EIF4B: variants seen among roughly 807,000 people sequenced by gnomAD.
EIF4B encodes the protein eukaryotic translation initiation factor 4B.
EIF4B carries 8 observed loss-of-function variants against 79.3 expected under a neutral mutation model. The observed-to-expected ratio is 0.10, with a 90% CI of 0.06 to 0.18. The LOEUF (loss-of-function observed/expected upper bound fraction) is 0.18. Ranked by LOEUF, EIF4B falls within the 10% of genes least tolerant of loss-of-function variation. The pLI, the probability that EIF4B is intolerant of heterozygous loss-of-function variation, is 1.00. For synonymous variants in EIF4B, 238 were observed against 274.7 expected, an observed-to-expected ratio of 0.87 and a Z score of 1.32; for missense variants, 515 against 792.4, an observed-to-expected ratio of 0.65 and a Z score of 4.20.
intron 9 of EIF4B, 106 bp downstream of exon 9, chr12:53,034,140 G>A (rs535843652): frequency 9.5e-6 from 11 of 1,157,436 alleles, no homozygotes; most frequent in Non-Finnish European, 1.2e-5. Flanking sequence ...CACATTAGTG[G>A]TTGTCACTGA....
At chr12:53,008,114 C>G (rs796409302) in intron 1 of EIF4B, among the ~76,000 whole-genome samples, 4 of 152,186 alleles carry the variant, frequency 2.6e-5, no homozygotes, top group African/African-American at 9.7e-5. Context: ...GCTTAAAGTA[C>G]TTACTTGGTC....
In EIF4B at chr12:53,006,506, C is replaced by T. The variant is rs1299172618; in HGVS notation, c.13+10C>T. On this transcript the variant is annotated intron_variant, in intron 1 of 14. Coordinates refer to ENST00000262056, the MANE Select transcript of EIF4B (RefSeq NM_001417.7). Reference sequence around the variant, plus strand: ...AACATGGCGGCCTCAGGTGAGCGAGCAGCCGAGCGCGGCCAAGGACTGGGC... The same window carrying T: ...AACATGGCGGCCTCAGGTGAGCGAGTAGCCGAGCGCGGCCAAGGACTGGGC... 3 of 1,613,530 alleles carry T rather than the reference C, an allele frequency of 1.9e-6. No individual in the cohort carries two copies. Among genetic ancestry groups the T allele is most frequent in the South Asian group, 1.1e-5 (1 of 91,082 alleles).
intron 1 of EIF4B, chr12:53,014,954 CAAAG>C (rs796313868): frequency 2.6e-4 from 40 of 152,232 alleles, no homozygotes; most frequent in African/African-American, 9.1e-4. Flanking sequence ...CTGAGGACCA[CAAAG>C]AAAGAGCAGT....
intron 2 of EIF4B, among the ~76,000 whole-genome samples, chr12:53,017,523 GT>G (rs1302480977): frequency 2.0e-5 from 3 of 152,050 alleles, no homozygotes; most frequent in Admixed American, 2.0e-4. Context: ...CATTACCATT[GT>G]TTTTTTCCTG....
At chr12:53,019,412 TAAAATC>T (rs1565586105) in intron 3 of EIF4B, among the ~76,000 whole-genome samples, 1 of 121,240 alleles carries the variant, frequency 8.2e-6, no homozygotes, top group African/African-American at 2.8e-5. Flanking sequence ...AGAAAAAAAA[TAAAATC>T]AAAATTATAT....
rs766391486 is a variant in EIF4B, at chr12:53,027,971, T to A, written c.806-44T>A. 5 of 1,608,096 alleles carry A rather than the reference T, an allele frequency of 3.1e-6. No homozygotes were observed. In the South Asian group the frequency reaches 5.5e-5, roughly 18 times the overall value. On this transcript the variant is annotated intron_variant, in intron 7 of 14. Transcript: ENST00000262056. ...CTTTCAGTAACTTTGCCTTTTTTTT[T>A]TCCCCCTCCGCTGTGATGATTATAA...
intron 3 of EIF4B, among the ~76,000 whole-genome samples, chr12:53,019,433 A>ATTTTTTTTTTTTTTTTT (rs1565586158): frequency 4.9e-4 from 16 of 32,902 alleles, no homozygotes; most frequent in Non-Finnish European, 1.2e-3. Context: ...TTATATATAT[A>ATTTTTTTTTTTTTTTTT]TATATTTTTT....
At position 53,028,753 on chromosome 12, in the gene EIF4B, C is replaced by T. The variant is rs1285299877; in HGVS notation, c.979+565C>T. ...TTACACTTAAAACAGATGGTTTTAG[C>T]TCCATTTTCCAAGTAAGGGAAATGA... is the stretch of plus-strand genomic sequence containing the variant. On this transcript the variant is annotated intron_variant, in intron 8 of 14. Coordinates refer to ENST00000262056, the MANE Select transcript of EIF4B (RefSeq NM_001417.7). Among the ~76,000 whole-genome samples, 3 of 151,996 alleles carry T rather than the reference C, an allele frequency of 2.0e-5. No homozygotes were observed. In the East Asian group the frequency reaches 5.8e-4, roughly 29 times the overall value.
At chr12:53,023,136 A>AT (rs1389018087) in intron 6 of EIF4B, among the ~76,000 whole-genome samples, 3 of 152,320 alleles carry the variant, frequency 2.0e-5, no homozygotes, top group Non-Finnish European at 4.4e-5. Context: ...AAAAAAAAAA[A>AT]TCCAACAGAT....
At chr12:53,034,790 A>T (rs974111903) in intron 10 of EIF4B, 81 bp downstream of exon 10, 1 of 1,472,442 alleles carries the variant, frequency 6.8e-7, no homozygotes, top group Non-Finnish European at 9.5e-7. Context: ...AGACCCTGCA[A>T]TATTTAAATT....
At position 53,041,276 on chromosome 12, in the gene EIF4B, T is replaced by G. The variant is rs1943632479; in HGVS notation, c.*1053T>G. 2.6e-5 allele frequency: 4 copies of G among 152,202 alleles called. No individual in the cohort carries two copies. Among genetic ancestry groups the G allele is most frequent in the African/African-American group, 9.7e-5 (4 of 41,428 alleles). The allele number at this position is 152,202 out of a possible 1,614,324, so 9.4% of individuals were successfully genotyped here. On this transcript the variant is annotated 3_prime_UTR_variant, in exon 15 of 15. Transcript: ENST00000262056. The stretch of plus-strand genomic sequence containing the variant: ...TCAAGCAAATCGGTTTCTTGATGTC[T>G]TTTGGTTCTCCTTGCCTGCTCCTGA...
chr12:53,029,883 CTCCT>C (rs1466675557), intron 8 of EIF4B, among the ~76,000 whole-genome samples: 1 of 151,318 alleles, frequency 6.6e-6, no homozygotes, highest in Non-Finnish European at 1.5e-5. Flanking sequence ...GAAGTCTTTA[CTCCT>C]TCCTCAAAAT....
chr12:53,020,226 A>G (rs3782148), intron 4 of EIF4B, among the ~76,000 whole-genome samples, 200 bp downstream of exon 4: 121,650 of 152,124 alleles, frequency 0.8, 50,940 homozygotes, highest in Non-Finnish European at 0.93. Context: ...GTAGGCCCCA[A>G]TAATTTAGAT....
At chr12:53,033,710 G>A (rs1943488104) in intron 8 of EIF4B, 96 bp from the exon 9 acceptor site, 5 of 1,320,196 alleles carry the variant, frequency 3.8e-6, no homozygotes, top group Admixed American at 2.7e-5. Context: ...TGAATCTCAT[G>A]TAGCATTTCA....
rs1046782899 is a variant in EIF4B at position 53,029,327 on chromosome 12, A to G, written c.979+1139A>G. Among the ~76,000 whole-genome samples, 66 of 152,146 alleles carry G rather than the reference A, an allele frequency of 4.3e-4. 1 individual carries two copies. Among genetic ancestry groups the G allele is most frequent in the Non-Finnish European group, 1.6e-4 (11 of 68,004 alleles). On this transcript the variant is annotated intron_variant, in intron 8 of 14. Transcript: ENST00000262056. ...TGTTCTAACTTCAGTGATGTCATAT[A>G]AAAGGTTATGGTATCTGGCCCAGAA...
chr12:53,006,907 C>T (rs1174583164), intron 1 of EIF4B, among the ~76,000 whole-genome samples: 1 of 137,696 alleles, frequency 7.3e-6, no homozygotes, highest in East Asian at 2.1e-4. Context: ...CTCCAAGGCG[C>T]GAGGCTGTAG....
At position 53,041,027 on chromosome 12, in the gene EIF4B, C is replaced by T. The variant is rs187124722; in HGVS notation, c.*804C>T. The T allele has an allele frequency of 6.6e-6, 1 of 152,278 alleles. No individual in the cohort carries two copies. The highest frequency in any genetic ancestry group is 2.4e-5 in the African/African-American group (1 of 41,550). The allele number at this position is 152,278 out of a possible 1,614,324, so 9.4% of individuals were successfully genotyped here. ...GGGTCGTGGTAATTCCCAGTGTTTT[C>T]TGTGTCCTAGTTTTACCCTTTCTAA... On this transcript the variant is annotated 3_prime_UTR_variant, in exon 15 of 15. Coordinates refer to ENST00000262056, the MANE Select transcript of EIF4B (RefSeq NM_001417.7).
At chr12:53,035,268 G>C (rs1324741386) in intron 10 of EIF4B, among the ~76,000 whole-genome samples, 1 of 151,938 alleles carries the variant, frequency 6.6e-6, no homozygotes, top group Non-Finnish European at 1.5e-5. Context: ...GCAGTGGCAT[G>C]ATGATGGCTC....
intron 1 of EIF4B, among the ~76,000 whole-genome samples, chr12:53,009,018 G>C (rs1411974995): frequency 6.6e-6 from 1 of 152,090 alleles, no homozygotes; most frequent in Non-Finnish European, 1.5e-5. Context: ...CTGGGCAAAA[G>C]AGCAAGACTC....
Sources: gnomAD v4.1 joint callset for allele counts (sites outside exome capture counted in the v4.1 genomes callset) on GRCh38, gnomAD v4.1.1 for gene constraint, MANE v1.5 for transcripts, NCBI Gene and HGNC (gene_info 2026-07-23, HGNC 2026-07-21) for gene names.